The following UGT2A2 variants were observed in gnomAD, a reference collection of about 807,000 sequenced individuals.
UGT2A2 encodes the protein UDP-glucuronosyltransferase 2A2.
Under a neutral mutation model 50.7 loss-of-function variants are expected in UGT2A2, and 60 were observed. The ratio of observed to expected loss-of-function variants is 1.18; its 90% CI spans 0.96 to 1.47. UGT2A2 has a LOEUF of 1.47. UGT2A2 is among the 40% of genes most tolerant of loss of function. UGT2A2 has a pLI of 0.00. For missense variants in UGT2A2, 762 were observed against 634.0 expected (o/e 1.20, Z -2.17); for synonymous variants, 242 against 214.6 (o/e 1.13, Z -1.11).
At chr4:69,607,308 A>G (rs1719694703) in intron 1 of UGT2A2, among the ~76,000 whole-genome samples, 1 of 151,492 alleles carries the variant, frequency 6.6e-6, no homozygotes, top group African/African-American at 2.4e-5. Context: ...GACAAAAACA[A>G]GAAATGGGGA....
At chr4:69,601,262 T>C (rs1433315987) in intron 1 of UGT2A2, among the ~76,000 whole-genome samples, 2 of 152,262 alleles carry the variant, frequency 1.3e-5, no homozygotes, top group East Asian at 3.9e-4. Flanking sequence ...CCACTACTCA[T>C]GCCTACATAG....
At chr4:69,617,006 A>G (rs756753203) in intron 1 of UGT2A2, among the ~76,000 whole-genome samples, 1 of 151,816 alleles carries the variant, frequency 6.6e-6, no homozygotes, top group Middle Eastern at 3.2e-3. Context: ...GTGAATGAGA[A>G]ATATGTAGCT....
chr4:69,591,198 G>A (rs1367513292), intron 5 of UGT2A2, among the ~76,000 whole-genome samples: 1 of 152,016 alleles, frequency 6.6e-6, no homozygotes, highest in African/African-American at 2.4e-5. Flanking sequence ...GAGTGACCAT[G>A]GCCCATGATA....
Position 69,606,973 on chromosome 4 carries a change from C to T in UGT2A2, c.743-7579G>A, listed in dbSNP as rs555504288. ...GCTCATGGGTAGGAAGAATCAATAT[C>T]GAGAAAATGGCCATACTGCCCAAGG... On this transcript the variant is annotated intron_variant, in intron 1 of 5. Transcript: ENST00000604629. 2.1e-4 allele frequency among the ~76,000 whole-genome samples: 28 copies of T among 136,186 alleles called. 6 individuals carry two copies. The East Asian group carries it at 4.5e-3, about 22-fold the overall frequency. The allele number at this position is 136,186 out of a possible 152,430, so 89.3% of individuals were successfully genotyped here. A position where few individuals can be genotyped will look rare whatever the true frequency, so the allele number is the denominator to read the frequency against.
intron 1 of UGT2A2, among the ~76,000 whole-genome samples, chr4:69,610,315 C>G (rs1396935592): frequency 6.6e-6 from 1 of 151,974 alleles, no homozygotes; most frequent in Non-Finnish European, 1.5e-5. Flanking sequence ...ATTGCTTAAT[C>G]ATTTAGCATT....
At chr4:69,592,022 A>G (rs1389909339) in intron 5 of UGT2A2, among the ~76,000 whole-genome samples, 1 of 152,184 alleles carries the variant, frequency 6.6e-6, no homozygotes, top group East Asian at 1.9e-4. Context: ...GCAAAAGTGG[A>G]CAACCAGGGC....
Position 69,594,833 on chromosome 4 carries a change from G to A in UGT2A2, c.1112-137C>T, listed in dbSNP as rs1718823018. On this transcript the variant is annotated intron_variant, in intron 4 of 5. Transcript: ENST00000604629. ...TTTCTACAAAAGCAGATCACATAGG[G>A]CATTGGAATGTCAGAAAACTGTGAT... The A allele has an allele frequency of 1.5e-5, 17 of 1,109,194 alleles. No homozygotes were observed. In the South Asian group the frequency reaches 2.7e-4, roughly 17 times the overall value. 68.7% of individuals were successfully genotyped at this position (1,109,194 alleles called of 1,614,324 possible). A position where few individuals can be genotyped will look rare whatever the true frequency, so the allele number is the denominator to read the frequency against.
At chr4:69,590,428 A>C (rs1718521564) in intron 5 of UGT2A2, among the ~76,000 whole-genome samples, 1 of 152,212 alleles carries the variant, frequency 6.6e-6, no homozygotes, top group African/African-American at 2.4e-5. Flanking sequence ...CTAGTTGTTA[A>C]ACCAAAATTA....
At chr4:69,597,822 T>C (rs1179367166) in intron 2 of UGT2A2, among the ~76,000 whole-genome samples, 5 of 152,164 alleles carry the variant, frequency 3.3e-5, no homozygotes, top group African/African-American at 1.2e-4. Flanking sequence ...TTGTATTCTG[T>C]GTACCCAGTG....
At chr4:69,613,481 T>A (rs1213157482) in intron 1 of UGT2A2, among the ~76,000 whole-genome samples, 3 of 151,624 alleles carry the variant, frequency 2.0e-5, no homozygotes, top group Admixed American at 1.3e-4. Flanking sequence ...GTATTCCAAC[T>A]ATGTTTGGAA....
At chr4:69,613,871 T>C (rs1296058348) in intron 1 of UGT2A2, among the ~76,000 whole-genome samples, 4 of 152,124 alleles carry the variant, frequency 2.6e-5, no homozygotes, top group South Asian at 2.1e-4. Flanking sequence ...GGTAGCATCA[T>C]ATTGAATGAG....
intron 1 of UGT2A2, among the ~76,000 whole-genome samples, chr4:69,613,850 G>A (rs535692106): frequency 9.9e-5 from 15 of 151,952 alleles, no homozygotes; most frequent in South Asian, 4.1e-4. Flanking sequence ...GCCATAAACC[G>A]CAAACCTACA....
chr4:69,639,367 TA>T lies in UGT2A2; in HGVS notation c.273del (p.Asn91LysfsTer2), dbSNP rs761650030. The T allele has an allele frequency of 1.2e-6, 2 of 1,613,702 alleles. No homozygotes were observed. The highest frequency in any genetic ancestry group is 1.7e-6 in the Non-Finnish European group (2 of 1,179,738). ...EVIPVSYKKS[N>X]IDSLIEHMIM... The stretch of plus-strand genomic sequence containing the variant: ...ATCATATGCTCAATTAAGGAATCTA[TA>T]TTGCTCTTCTTGTAGGAAACAGGTA... On this transcript the variant is annotated frameshift_variant, in exon 1 of 6. Coordinates refer to ENST00000604629, the MANE Select transcript of UGT2A2 (RefSeq NM_001105677.2). LOFTEE classifies it high-confidence loss of function.
chr4:69,593,444 T>C (rs891484566), intron 5 of UGT2A2, among the ~76,000 whole-genome samples: 5 of 151,650 alleles, frequency 3.3e-5, no homozygotes, highest in African/African-American at 1.2e-4. Flanking sequence ...TCATCAAAAA[T>C]AAAGACTCAA....
At chr4:69,609,816 C>T (rs1424867690) in intron 1 of UGT2A2, among the ~76,000 whole-genome samples, 5 of 152,094 alleles carry the variant, frequency 3.3e-5, no homozygotes, top group African/African-American at 1.2e-4. Context: ...AAATTACAGT[C>T]AATTGTCAAT....
At chr4:69,611,300 TAATGCTATTAATTTCTGCCAAA>T (rs1720033901) in intron 1 of UGT2A2, among the ~76,000 whole-genome samples, 5 of 148,960 alleles carry the variant, frequency 3.4e-5, no homozygotes, top group Non-Finnish European at 3.0e-5. Flanking sequence ...CAGCTATTCT[TAATGCTATTAATTTCTGCCAAA>T]TTTTTAAAAA....
intron 1 of UGT2A2, among the ~76,000 whole-genome samples, chr4:69,614,198 A>C (rs1415716071): frequency 6.6e-6 from 1 of 152,054 alleles, no homozygotes; most frequent in Non-Finnish European, 1.5e-5. Context: ...CATATGTTAA[A>C]AAAGGAAGTA....
intron 3 of UGT2A2, among the ~76,000 whole-genome samples, chr4:69,595,558 G>GA (rs1281951541): frequency 2.0e-5 from 3 of 152,022 alleles, no homozygotes; most frequent in Non-Finnish European, 2.9e-5. Context: ...ACATGAAGGG[G>GA]AAAAATCATG....
chr4:69,602,353 T>A (rs1430346074), intron 1 of UGT2A2, among the ~76,000 whole-genome samples: 1 of 137,418 alleles, frequency 7.3e-6, no homozygotes, highest in Admixed American at 7.1e-5. Context: ...AGCATTCTTA[T>A]CAAGACGAAA....
Sources: gnomAD v4.1 joint callset for allele counts (sites outside exome capture counted in the v4.1 genomes callset) on GRCh38, gnomAD v4.1.1 for gene constraint, MANE v1.5 for transcripts, NCBI Gene and HGNC (gene_info 2026-07-23, HGNC 2026-07-21) for gene names.